EDIL3: variants seen among roughly 807,000 people sequenced by gnomAD.
EDIL3 encodes EGF like and discoidin domains 3, also known as EGF-like repeat and discoidin I-like domain-containing protein 3.
EDIL3 carries 37 observed loss-of-function variants against 67.4 expected under a neutral mutation model. The ratio of observed to expected loss-of-function variants is 0.55; its 90% CI spans 0.42 to 0.72. The LOEUF (loss-of-function observed/expected upper bound fraction) is 0.72, where lower values mean the gene tolerates loss of function less well. EDIL3 is among the 30% of genes least tolerant of loss of function. The pLI, the probability that EDIL3 is intolerant of heterozygous loss-of-function variation, is 0.00. For synonymous variants in EDIL3, 195 were observed against 196.3 expected (o/e 0.99, Z 0.05); for missense variants, 527 against 586.3 (o/e 0.90, Z 1.04).
chr5:84,055,431 T>C (rs899614307), intron 9 of EDIL3, among the ~76,000 whole-genome samples: 5 of 146,012 alleles, frequency 3.4e-5, no homozygotes, highest in African/African-American at 1.1e-4. Flanking sequence ...CCAAAAGCAA[T>C]GGCAATAAAA....
At chr5:83,972,033 T>A (rs1744802672) in intron 9 of EDIL3, among the ~76,000 whole-genome samples, 2 of 152,166 alleles carry the variant, frequency 1.3e-5, no homozygotes, top group South Asian at 4.1e-4. Context: ...ATGTTGTCAA[T>A]CTTCTCTTGT....
chr5:84,160,191 G>T (rs1290475397), intron 4 of EDIL3, among the ~76,000 whole-genome samples: 3 of 152,182 alleles, frequency 2.0e-5, no homozygotes, highest in African/African-American at 7.2e-5. Flanking sequence ...AATACATGAG[G>T]TAAACTGCAA....
intron 1 of EDIL3, among the ~76,000 whole-genome samples, chr5:84,345,204 CTA>C (rs1235586161): frequency 6.6e-6 from 1 of 152,028 alleles, no homozygotes; most frequent in Non-Finnish European, 1.5e-5. Flanking sequence ...ATCAGGTAAC[CTA>C]TGTCATTAGT....
intron 9 of EDIL3, among the ~76,000 whole-genome samples, chr5:84,044,612 G>A (rs974220021): frequency 1.6e-4 from 25 of 152,250 alleles, no homozygotes; most frequent in Non-Finnish European, 2.2e-4. Flanking sequence ...CCCAAATCTC[G>A]TAGTGGAACT....
intron 9 of EDIL3, among the ~76,000 whole-genome samples, chr5:84,054,665 A>G (rs1746409098): frequency 6.6e-6 from 1 of 152,114 alleles, no homozygotes. Context: ...CACACCAATA[A>G]CAGACAAACA....
At chr5:84,174,553 G>A (rs185679863) in intron 4 of EDIL3, among the ~76,000 whole-genome samples, 2 of 152,288 alleles carry the variant, frequency 1.3e-5, no homozygotes, top group African/African-American at 4.8e-5. Flanking sequence ...CCACCTTGTT[G>A]TCCCACTAGG....
intron 9 of EDIL3, among the ~76,000 whole-genome samples, chr5:84,019,588 A>C (rs2112190037): frequency 6.6e-6 from 1 of 152,124 alleles, no homozygotes; most frequent in Admixed American, 6.6e-5. Flanking sequence ...AGAAACCCAA[A>C]CCAAACAAAG....
intron 10 of EDIL3, among the ~76,000 whole-genome samples, chr5:83,944,545 T>C (rs1241465317): frequency 3.3e-5 from 5 of 151,826 alleles, no homozygotes; most frequent in Admixed American, 6.6e-5. Flanking sequence ...CATTAAATTA[T>C]AAATTATGTT....
At chr5:83,971,277 T>G (rs959639347) in intron 9 of EDIL3, among the ~76,000 whole-genome samples, 2 of 151,060 alleles carry the variant, frequency 1.3e-5, no homozygotes, top group Non-Finnish European at 3.0e-5. Flanking sequence ...TATCCTTTTT[T>G]CTTTTTTTTT....
intron 3 of EDIL3, among the ~76,000 whole-genome samples, chr5:84,201,832 T>G (rs1477761330): frequency 1.3e-5 from 2 of 152,060 alleles, no homozygotes; most frequent in Non-Finnish European, 2.9e-5. Context: ...CATGCCAAAA[T>G]CCACATGAAA....
At chr5:84,198,110 A>T (rs1743750918) in intron 3 of EDIL3, among the ~76,000 whole-genome samples, 1 of 152,066 alleles carries the variant, frequency 6.6e-6, no homozygotes, top group Non-Finnish European at 1.5e-5. Context: ...ATATTTAGAT[A>T]GCATTGAAGA....
At chr5:84,075,402 A>T (rs1361980245) in intron 6 of EDIL3, among the ~76,000 whole-genome samples, 7 of 152,202 alleles carry the variant, frequency 4.6e-5, no homozygotes, top group Non-Finnish European at 1.5e-5. Flanking sequence ...TCACAGGTAA[A>T]GTTCACAGGA....
chr5:84,173,368 T>C (rs544105808), intron 4 of EDIL3, among the ~76,000 whole-genome samples: 4 of 152,254 alleles, frequency 2.6e-5, no homozygotes, highest in African/African-American at 9.6e-5. Flanking sequence ...CAGGACGAGC[T>C]GTGACTACAA....
chr5:84,204,106 G>A (rs1243612354), intron 3 of EDIL3, among the ~76,000 whole-genome samples: 2 of 152,112 alleles, frequency 1.3e-5, no homozygotes, highest in Non-Finnish European at 2.9e-5. Context: ...CCTAAGTGAA[G>A]AATGTTTACA....
At chr5:84,001,230 G>C (rs981992211) in intron 9 of EDIL3, among the ~76,000 whole-genome samples, 8 of 151,870 alleles carry the variant, frequency 5.3e-5, no homozygotes, top group Non-Finnish European at 8.8e-5. Flanking sequence ...TGTATTTTTA[G>C]TAAAGATGAG....
intron 1 of EDIL3, among the ~76,000 whole-genome samples, chr5:84,307,411 C>T (rs1002482840): frequency 6.6e-6 from 1 of 151,956 alleles, no homozygotes; most frequent in South Asian, 2.1e-4. Flanking sequence ...TAAAGAGGCC[C>T]AACAGAAACA....
At chr5:84,117,284 C>T (rs1295543436) in intron 5 of EDIL3, among the ~76,000 whole-genome samples, 2 of 151,940 alleles carry the variant, frequency 1.3e-5, no homozygotes, top group Non-Finnish European at 2.9e-5. Context: ...CCCGCCTTGG[C>T]CTCCCAAAGT....
intron 9 of EDIL3, among the ~76,000 whole-genome samples, chr5:84,017,820 G>A (rs1487148470): frequency 6.6e-6 from 1 of 151,834 alleles, no homozygotes; most frequent in Non-Finnish European, 1.5e-5. Flanking sequence ...TCACTTCCAG[G>A]AAAGTTTCTC....
chr5:84,096,538 C>T (rs996135085), intron 6 of EDIL3, among the ~76,000 whole-genome samples: 1 of 152,134 alleles, frequency 6.6e-6, no homozygotes, highest in African/African-American at 2.4e-5. Context: ...TTAACTAATG[C>T]CTGTATCACC....
Sources: allele counts gnomAD v4.1 joint callset (sites outside exome capture counted in the v4.1 genomes callset), GRCh38; gene constraint gnomAD v4.1.1; transcripts MANE v1.5; gene names NCBI Gene and HGNC (gene_info 2026-07-23, HGNC 2026-07-21).